UAP1L1: variants seen among roughly 807,000 people sequenced by gnomAD.
UAP1L1 encodes UDP-N-acetylglucosamine pyrophosphorylase 1 like 1.
Under a neutral mutation model 45.3 loss-of-function variants are expected in UAP1L1, and 45 were observed. The ratio of observed to expected loss-of-function variants is 0.99; its 90% CI spans 0.78 to 1.27. UAP1L1 has a LOEUF of 1.27. Among genes scored for constraint, UAP1L1 ranks in the 50% most tolerant of loss-of-function variants. The pLI, the probability that UAP1L1 is intolerant of heterozygous loss-of-function variation, is 0.00. For synonymous variants in UAP1L1, 323 were observed against 303.9 expected (o/e 1.06, Z -0.65); for missense variants, 667 against 694.0 (o/e 0.96, Z 0.44).
intron 7 of UAP1L1, among the ~76,000 whole-genome samples, chr9:137,081,742 GC>G (rs1023525985): frequency 1.3e-5 from 2 of 152,128 alleles, no homozygotes; most frequent in Non-Finnish European, 1.5e-5. Flanking sequence ...ATTTTCTAGG[GC>G]CACCCCTAAA....
intron 3 of UAP1L1, 83 bp downstream of exon 3, chr9:137,078,760 G>C: frequency 1.3e-6 from 2 of 1,482,334 alleles, no homozygotes; most frequent in Non-Finnish European, 1.8e-6. Context: ...CCGGGTTCGC[G>C]GCTGCCCCGA....
Position 137,082,335 on chromosome 9 carries a change from C to A in UAP1L1, c.1431+271C>A. 1 of 599,054 alleles carries A rather than the reference C, an allele frequency of 1.7e-6. No individual in the cohort carries two copies. Among genetic ancestry groups the A allele is most frequent in the Non-Finnish European group, 3.0e-6 (1 of 337,606 alleles). 37.1% of individuals were successfully genotyped at this position (599,054 alleles called of 1,614,324 possible). ...CAGTCAGGCCTTGGTGGGGGCCTTGCGGAGGGAGGACACCGGCCTCTGCTA... is the reference window on the plus strand; with the variant it reads ...CAGTCAGGCCTTGGTGGGGGCCTTGAGGAGGGAGGACACCGGCCTCTGCTA... On this transcript the variant is annotated intron_variant, in intron 8 of 8. Coordinates refer to ENST00000409858, the MANE Select transcript of UAP1L1 (RefSeq NM_207309.3). This position sits in a 1 kb window ranked among gnomAD's most constrained non-coding sequence, Gnocchi z 5.7.
Position 137,082,744 on chromosome 9 carries a change from C to A in UAP1L1, c.*15C>A. The A allele has an allele frequency of 6.5e-7, 1 of 1,538,584 alleles. No individual in the cohort carries two copies. The highest frequency in any genetic ancestry group is 8.8e-7 in the Non-Finnish European group (1 of 1,142,216). Reference sequence around the variant, plus strand: ...AGGAGTCCTGACCCGCCCAGACTGTCCCCAGACTCCCCCGAGACCTGCCAG... The same window carrying A: ...AGGAGTCCTGACCCGCCCAGACTGTACCCAGACTCCCCCGAGACCTGCCAG... On this transcript the variant is annotated 3_prime_UTR_variant, in exon 9 of 9. Transcript: ENST00000409858. The surrounding 1 kb of genome is among the most constrained non-coding windows in gnomAD (Gnocchi z 5.7).
chr9:137,082,607 A>G lies in UAP1L1; in HGVS notation c.1432-30A>G. 1 of 1,530,164 alleles carries G rather than the reference A, an allele frequency of 6.5e-7. No individual in the cohort carries two copies. The highest frequency in any genetic ancestry group is 8.9e-7 in the Non-Finnish European group (1 of 1,127,784). The allele number at this position is 1,530,164 out of a possible 1,614,324, so 94.8% of individuals were successfully genotyped here. ...GGCTGTGACCCGCCAAAAGGTGGGT[A>G]CTTGGCCATTGTCCCCTGCTCGTCT... On this transcript the variant is annotated intron_variant, in intron 8 of 8. Transcript: ENST00000409858. The surrounding 1 kb of genome is among the most constrained non-coding windows in gnomAD (Gnocchi z 5.7).
rs368065099 is a variant in UAP1L1, at chr9:137,082,795, C to G, written c.*66C>G. ...CCCCGGCATCCTGGAAGTCCCGACT[C>G]CCCCCAGACCTGCCAGCCCCGGCGT... On this transcript the variant is annotated 3_prime_UTR_variant, in exon 9 of 9. Transcript: ENST00000409858. This position sits in a 1 kb window ranked among gnomAD's most constrained non-coding sequence, Gnocchi z 5.7. 48 of 1,336,292 alleles carry G rather than the reference C, an allele frequency of 3.6e-5. No homozygotes were observed. The highest frequency in any genetic ancestry group is 4.9e-5 in the Non-Finnish European group (47 of 967,842). 82.8% of individuals were successfully genotyped at this position (1,336,292 alleles called of 1,614,324 possible).
chr9:137,079,022 G>C lies in UAP1L1; in HGVS notation c.717G>C (p.Leu239=), dbSNP rs748786767. 6.2e-7 allele frequency: 1 copy of C among 1,604,398 alleles called. No individual in the cohort carries two copies. The highest frequency in any genetic ancestry group is 1.3e-5 in the African/African-American group (1 of 74,532). The change falls in exon 4 of 9, where the codon CTG becomes CTC. Residue 239 remains leucine (L), a synonymous_variant. Transcript: ENST00000409858. Reference sequence around the variant, plus strand: ...GCGCGCTGGAGGACCACAAGATCCTGGAGGACATGGAGCGCCGGGGAGTGG... The same window carrying C: ...GCGCGCTGGAGGACCACAAGATCCTCGAGGACATGGAGCGCCGGGGAGTGG... ...LYCALEDHKI[L]EDMERRGVEF...
rs1408382459 is a variant in UAP1L1 at position 137,079,240 on chromosome 9, C to T, written c.844-16C>T. 1.2e-6 allele frequency: 2 copies of T among 1,605,836 alleles called. No homozygotes were observed. The highest frequency in any genetic ancestry group is 8.5e-7 in the Non-Finnish European group (1 of 1,175,736). On this transcript the variant is annotated splice_polypyrimidine_tract_variant and intron_variant, in intron 4 of 8. Transcript: ENST00000409858. Reference sequence around the variant, plus strand: ...TCCGCCCAGCCCTCGGAACCCATCCCTGGTCTTGGCTGCAGGTGGTGGAAA... The same window carrying T: ...TCCGCCCAGCCCTCGGAACCCATCCTTGGTCTTGGCTGCAGGTGGTGGAAA...
intron 3 of UAP1L1, 43 bp from the exon 4 acceptor site, chr9:137,078,933 T>C (rs751918193): frequency 1.2e-5 from 18 of 1,549,270 alleles, no homozygotes; most frequent in Admixed American, 2.1e-5. Flanking sequence ...GAGCGATCCC[T>C]GGCGGGAGCC....
chr9:137,078,992 C>G lies in UAP1L1; in HGVS notation c.687C>G (p.Leu229=), dbSNP rs74546826. 4 of 1,594,348 alleles carry G rather than the reference C, an allele frequency of 2.5e-6. No individual in the cohort carries two copies. Among genetic ancestry groups the G allele is most frequent in the Non-Finnish European group, 3.4e-6 (4 of 1,174,862 alleles). ...VAMAPDGNGG[L]YCALEDHKIL... is the part of the protein sequence containing the mutation. The stretch of plus-strand genomic sequence containing the variant: ...CGTCTGCAGACGGCAACGGGGGCCT[C>G]TACTGCGCGCTGGAGGACCACAAGA... Residue 229 remains leucine (L), a synonymous_variant, in exon 4 of 9, where the codon CTC becomes CTG. Transcript: ENST00000409858.
At position 137,079,896 on chromosome 9, in the gene UAP1L1, C is replaced by T. The variant is rs1832764384; in HGVS notation, c.1038-106C>T. On this transcript the variant is annotated intron_variant, in intron 5 of 8. Coordinates refer to ENST00000409858, the MANE Select transcript of UAP1L1 (RefSeq NM_207309.3). Reference sequence around the variant, plus strand: ...TTCTGTGCCCTGTAGTGTCCTTCTGCCATCCTGTCCCACCCAGCTGGGTGT... The same window carrying T: ...TTCTGTGCCCTGTAGTGTCCTTCTGTCATCCTGTCCCACCCAGCTGGGTGT... The T allele has an allele frequency of 4.3e-6, 6 of 1,386,150 alleles. No individual in the cohort carries two copies. The South Asian group carries it at 7.9e-5, about 18-fold the overall frequency. The allele number at this position is 1,386,150 out of a possible 1,614,324, so 85.9% of individuals were successfully genotyped here. A position where few individuals can be genotyped will look rare whatever the true frequency, so the allele number is the denominator to read the frequency against.
rs760000443 is a variant in UAP1L1, at chr9:137,077,674, G to T, written c.142G>T (p.Glu48Ter). The T allele has an allele frequency of 2.5e-5, 30 of 1,195,186 alleles. No homozygotes were observed. Among genetic ancestry groups the T allele is most frequent in the Non-Finnish European group, 3.0e-5 (29 of 959,530 alleles). The allele number at this position is 1,195,186 out of a possible 1,614,324, so 74.0% of individuals were successfully genotyped here. A position where few individuals can be genotyped will look rare whatever the true frequency, so the allele number is the denominator to read the frequency against. ...GCTGCTGGAGCCCGAGGCGCTGCGC[G>T]AGCACTGCCGGCGGGCGGCGGAGGC... Reference protein sequence around the residue: ...LALLEPEALREHCRRAAEACA... With the variant: ...LALLEPEALR Residue 48 changes from glutamate to a stop codon, truncating the protein, a stop_gained, in exon 1 of 9, where the codon GAG becomes TAG. Coordinates refer to ENST00000409858, the MANE Select transcript of UAP1L1 (RefSeq NM_207309.3). LOFTEE classifies it high-confidence loss of function. This position sits in a 1 kb window ranked among gnomAD's most constrained non-coding sequence, Gnocchi z 4.7.
At chr9:137,079,180 C>G in intron 4 of UAP1L1, 32 bp downstream of exon 4, 1 of 1,593,646 alleles carries the variant, frequency 6.3e-7, no homozygotes, top group Non-Finnish European at 8.5e-7. Context: ...GCCCCGCACC[C>G]GAGGCTGGCC....
rs1832733818 is a variant in UAP1L1 at position 137,078,589 on chromosome 9, G to C, written c.582G>C (p.Val194=). The change falls in exon 3 of 9, where the codon GTG becomes GTC. Residue 194 remains valine, a synonymous_variant. Coordinates refer to ENST00000409858, the MANE Select transcript of UAP1L1 (RefSeq NM_207309.3). Reference sequence around the variant, plus strand: ...TCTTCCACCTGGACCCCGCCAACGTGGTCATGTTTGAGCAGCGCCTGCTGC... The same window carrying C: ...TCTTCCACCTGGACCCCGCCAACGTCGTCATGTTTGAGCAGCGCCTGCTGC... ...HNFFHLDPAN[V]VMFEQRLLPA... 1 of 1,613,074 alleles carries C rather than the reference G, an allele frequency of 6.2e-7. No homozygotes were observed. The highest frequency in any genetic ancestry group is 1.3e-5 in the African/African-American group (1 of 74,952).
At chr9:137,080,637 C>A (rs534637679) in intron 6 of UAP1L1, 52 bp from the exon 7 acceptor site, 2 of 1,547,420 alleles carry the variant, frequency 1.3e-6, no homozygotes, top group South Asian at 1.2e-5. Flanking sequence ...CTCACCTGCC[C>A]GGATCAGGGC....
At position 137,077,545 on chromosome 9, in the gene UAP1L1, C is replaced by G. The variant is rs1588570123; in HGVS notation, c.13C>G (p.Gln5Glu). 1.4e-6 allele frequency: 2 copies of G among 1,387,676 alleles called. No individual in the cohort carries two copies. The highest frequency in any genetic ancestry group is 3.0e-5 in the African/African-American group (2 of 65,936). The allele number at this position is 1,387,676 out of a possible 1,614,324, so 86.0% of individuals were successfully genotyped here. A position where few individuals can be genotyped will look rare whatever the true frequency, so the allele number is the denominator to read the frequency against. Residue 5 changes from glutamine to glutamate, a missense_variant, in exon 1 of 9, where the codon CAG becomes GAG. By Grantham distance (29) the Gln-to-Glu change is conservative. Transcript: ENST00000409858. This position sits in a 1 kb window ranked among gnomAD's most constrained non-coding sequence, Gnocchi z 4.7. ...CGGCAGCGGCGACATGGCTTCGGAGCAGGACGTGCGCGCCCGGCTGCAGCG... is the reference window on the plus strand; with the variant it reads ...CGGCAGCGGCGACATGGCTTCGGAGGAGGACGTGCGCGCCCGGCTGCAGCG... MASE[Q>E]DVRARLQRAG...
Position 137,083,069 on chromosome 9 carries a change from G to T in UAP1L1, c.*340G>T. 1 of 297,610 alleles carries T rather than the reference G, an allele frequency of 3.4e-6. No individual in the cohort carries two copies. Among genetic ancestry groups the T allele is most frequent in the East Asian group, 6.5e-5 (1 of 15,360 alleles). The allele number at this position is 297,610 out of a possible 1,614,324, so 18.4% of individuals were successfully genotyped here. ...GAGAATGGGGCTGAGAGGAGGCTTC[G>T]GGTTGGGGCCCAAGGGAGGTGTGGT... On this transcript the variant is annotated 3_prime_UTR_variant, in exon 9 of 9. Coordinates refer to ENST00000409858, the MANE Select transcript of UAP1L1 (RefSeq NM_207309.3).
chr9:137,080,568 C>T, intron 6 of UAP1L1, 121 bp from the exon 7 acceptor site: 1 of 1,022,644 alleles, frequency 9.8e-7, no homozygotes, highest in Non-Finnish European at 1.4e-6. Flanking sequence ...GGGCTCCTCC[C>T]TAGACTTGCT....
Position 137,079,446 on chromosome 9 carries a change from C to A in UAP1L1, c.1034C>A (p.Thr345Asn). The A allele has an allele frequency of 6.3e-7, 1 of 1,583,670 alleles. No individual in the cohort carries two copies. The change falls in exon 5 of 9, where the codon ACC becomes AAC. Residue 345 changes from threonine (T) to asparagine (N), a missense_variant. By Grantham distance (65) the Thr-to-Asn change is moderately conservative (BLOSUM62 0). Transcript: ENST00000409858. Reference sequence around the variant, plus strand: ...ACCCGAGGCTTCCTTAAGGCGGTCACCAGGTGTGCGGCAGCAGGTGGCTGC... The same window carrying A: ...ACCCGAGGCTTCCTTAAGGCGGTCAACAGGTGTGCGGCAGCAGGTGGCTGC... ...FFTRGFLKAV[T>N]REFEPLLKPH... is the part of the protein sequence containing the mutation.
rs1318909582 is a variant in UAP1L1 at position 137,082,438 on chromosome 9, C to T, written c.1432-199C>T. 3.3e-6 allele frequency: 2 copies of T among 598,456 alleles called. No individual in the cohort carries two copies. The highest frequency in any genetic ancestry group is 2.8e-5 in the East Asian group (1 of 35,978). 37.1% of individuals were successfully genotyped at this position (598,456 alleles called of 1,614,324 possible). A position where few individuals can be genotyped will look rare whatever the true frequency, so the allele number is the denominator to read the frequency against. ...GCGTGACAGGAGGGTCCCCTGCTGG[C>T]CTAGGGTCTTGAGTGTGGTCTTGGG... On this transcript the variant is annotated intron_variant, in intron 8 of 8. Transcript: ENST00000409858. The surrounding 1 kb of genome is among the most constrained non-coding windows in gnomAD (Gnocchi z 5.7).
Sources: gnomAD v4.1 joint callset for allele counts (sites outside exome capture counted in the v4.1 genomes callset) on GRCh38, gnomAD v4.1.1 for gene constraint, Gnocchi (gnomAD v3.1) non-coding constraint, MANE v1.5 for transcripts, NCBI Gene and HGNC (gene_info 2026-07-23, HGNC 2026-07-21) for gene names.